RNLS: variants seen among roughly 807,000 people sequenced by gnomAD.
RNLS encodes renalase, FAD dependent amine oxidase.
In RNLS, 39 loss-of-function variants were observed where a neutral mutation model predicts 39.8. That is an observed-to-expected ratio of 0.98 (90% confidence interval 0.76 to 1.28). RNLS has a LOEUF of 1.28. RNLS is among the 50% of genes most tolerant of loss of function. The probability of loss-of-function intolerance (pLI) is 0.00; values close to 1 mark genes in which losing one functional copy is unlikely to be tolerated. For missense variants in RNLS, 410 were observed against 413.3 expected (o/e 0.99, Z 0.07); for synonymous variants, 147 against 150.7 (o/e 0.98, Z 0.18).
At chr10:88,394,993 T>A (rs922579766) in intron 4 of RNLS, among the ~76,000 whole-genome samples, 4 of 151,246 alleles carry the variant, frequency 2.6e-5, no homozygotes, top group African/African-American at 7.3e-5. Context: ...AATTGAACAA[T>A]GAGAACACAT....
intron 4 of RNLS, among the ~76,000 whole-genome samples, chr10:88,544,215 T>G (rs1275986314): frequency 6.6e-6 from 1 of 152,216 alleles, no homozygotes; most frequent in Non-Finnish European, 1.5e-5. Context: ...ATTCTTTTTG[T>G]TACTCCTTTC....
intron 4 of RNLS, among the ~76,000 whole-genome samples, chr10:88,521,074 C>G (rs1306859111): frequency 6.6e-6 from 1 of 151,944 alleles, no homozygotes; most frequent in Non-Finnish European, 1.5e-5. Flanking sequence ...AATCTTAATC[C>G]TGGGTAATCT....
chr10:88,582,191 A>C lies in RNLS; in HGVS notation c.224+11T>G. Reference sequence around the variant, plus strand: ...TGCTAAGATTGATTCCACTCCTTGCAACTAACTCACCGTTGGTGTTTTTTG... The same window carrying C: ...TGCTAAGATTGATTCCACTCCTTGCCACTAACTCACCGTTGGTGTTTTTTG... On this transcript the variant is annotated intron_variant, in intron 2 of 6. Transcript: ENST00000331772. 1 of 1,604,192 alleles carries C rather than the reference A, an allele frequency of 6.2e-7. No individual in the cohort carries two copies. Among genetic ancestry groups the C allele is most frequent in the Non-Finnish European group, 8.5e-7 (1 of 1,171,950 alleles).
chr10:88,424,851 T>C (rs1293369341), intron 4 of RNLS, among the ~76,000 whole-genome samples: 2 of 152,130 alleles, frequency 1.3e-5, no homozygotes, highest in Non-Finnish European at 2.9e-5. Flanking sequence ...CCTTGGTCCT[T>C]GGCACAAGAT....
chr10:88,469,824 T>TGC (rs1252332087), intron 4 of RNLS, among the ~76,000 whole-genome samples: 8 of 39,016 alleles, frequency 2.1e-4, no homozygotes, highest in South Asian at 7.7e-4. Context: ...TGTGTGTGCG[T>TGC]GTGTGTGTGT....
chr10:88,210,985 T>C, the RNLS span, among the ~76,000 whole-genome samples: 1 of 152,172 alleles, frequency 6.6e-6, no homozygotes, highest in East Asian at 1.9e-4. Context: ...CCCCAAATAG[T>C]AGTATATTTT....
chr10:88,531,373 G>A (rs941466100), intron 4 of RNLS, among the ~76,000 whole-genome samples: 1 of 151,458 alleles, frequency 6.6e-6, no homozygotes, highest in Non-Finnish European at 1.5e-5. Context: ...TAAGTTGTAT[G>A]TATTTTCATT....
At chr10:88,355,853 G>A (rs1849127725) in intron 5 of RNLS, among the ~76,000 whole-genome samples, 1 of 152,194 alleles carries the variant, frequency 6.6e-6, no homozygotes, top group African/African-American at 2.4e-5. Context: ...GCTGCGGTGG[G>A]CTCCACCCAG....
intron 4 of RNLS, among the ~76,000 whole-genome samples, chr10:88,546,615 C>T (rs1358533492): frequency 6.6e-6 from 1 of 151,996 alleles, no homozygotes; most frequent in Non-Finnish European, 1.5e-5. Context: ...ACTGGAGAAA[C>T]TTCCGATAAT....
chr10:88,175,736 T>G, the RNLS span, among the ~76,000 whole-genome samples: 1 of 152,254 alleles, frequency 6.6e-6, no homozygotes, highest in African/African-American at 2.4e-5. Context: ...GATAAAATGT[T>G]CTGTAAAGGT....
chr10:88,219,263 T>A, the RNLS span, among the ~76,000 whole-genome samples: 1 of 152,214 alleles, frequency 6.6e-6, no homozygotes, highest in African/African-American at 2.4e-5. Context: ...AATCACAGCC[T>A]AGCCTCATCA....
chr10:88,340,992 G>A (rs1425675101), intron 5 of RNLS, among the ~76,000 whole-genome samples: 1 of 149,134 alleles, frequency 6.7e-6, no homozygotes, highest in Admixed American at 6.8e-5. Flanking sequence ...CTGAGAGGCA[G>A]AGGTTGCAGT....
intron 4 of RNLS, among the ~76,000 whole-genome samples, chr10:88,442,477 G>A (rs962707643): frequency 3.9e-5 from 6 of 152,016 alleles, no homozygotes; most frequent in South Asian, 2.1e-4. Flanking sequence ...CTTGTTAATC[G>A]AGAAAAAGCA....
At chr10:88,426,111 C>T (rs541870517) in intron 4 of RNLS, among the ~76,000 whole-genome samples, 7 of 152,046 alleles carry the variant, frequency 4.6e-5, no homozygotes, top group African/African-American at 1.7e-4. Context: ...GGCAGTTTAG[C>T]GGTATGTGTA....
At chr10:88,287,306 T>C (rs1384330855) in intron 6 of RNLS, among the ~76,000 whole-genome samples, 1 of 152,076 alleles carries the variant, frequency 6.6e-6, no homozygotes, top group East Asian at 1.9e-4. Context: ...ACATCATCTA[T>C]CACAAACATA....
chr10:88,471,915 A>G (rs933226630), intron 4 of RNLS, among the ~76,000 whole-genome samples: 5 of 152,156 alleles, frequency 3.3e-5, no homozygotes, highest in African/African-American at 1.2e-4. Context: ...AACTGACCTC[A>G]GCTACTGAGA....
At chr10:88,578,694 G>A (rs1371811303) in intron 3 of RNLS, among the ~76,000 whole-genome samples, 1 of 152,038 alleles carries the variant, frequency 6.6e-6, no homozygotes, top group Non-Finnish European at 1.5e-5. Context: ...GGTACTATTA[G>A]TTTCTGAGTG....
At chr10:88,368,319 C>A (rs1453288285) in intron 4 of RNLS, among the ~76,000 whole-genome samples, 8 of 151,986 alleles carry the variant, frequency 5.3e-5, no homozygotes, top group Non-Finnish European at 1.0e-4. Context: ...AAATAAGACA[C>A]TAGATTGTAA....
intron 4 of RNLS, among the ~76,000 whole-genome samples, chr10:88,528,932 T>C (rs1377832559): frequency 6.6e-6 from 1 of 151,622 alleles, no homozygotes; most frequent in African/African-American, 2.4e-5. Flanking sequence ...GAATATCTAA[T>C]GTGGTTAACT....
Sources: allele counts gnomAD v4.1 joint callset (sites outside exome capture counted in the v4.1 genomes callset), GRCh38; gene constraint gnomAD v4.1.1; transcripts MANE v1.5; gene names NCBI Gene and HGNC (gene_info 2026-07-23, HGNC 2026-07-21).